The following LIMK1 variants were observed in gnomAD, a reference collection of about 807,000 sequenced individuals.
LIMK1 encodes the protein LIM motif-containing protein kinase.
Under a neutral mutation model 77.6 loss-of-function variants are expected in LIMK1, and 21 were observed. The observed-to-expected ratio is 0.27, with a 90% CI of 0.19 to 0.39. The LOEUF (loss-of-function observed/expected upper bound fraction) is 0.39, where lower values mean the gene tolerates loss of function less well. Among genes scored for constraint, LIMK1 ranks in the 10% least tolerant of loss-of-function variants. LIMK1 has a pLI of 1.00. For missense variants in LIMK1, 696 were observed against 901.6 expected (o/e 0.77, Z 2.92); for synonymous variants, 358 against 370.0 (o/e 0.97, Z 0.37).
intron 13 of LIMK1, 108 bp from the exon 14 acceptor site, chr7:74,120,475 C>T: frequency 8.4e-7 from 1 of 1,191,942 alleles, no homozygotes. Context: ...GCCTCCTGGG[C>T]CTGGACCTCC....
chr7:74,089,275 G>A (rs1049353048), intron 2 of LIMK1, among the ~76,000 whole-genome samples: 2 of 152,082 alleles, frequency 1.3e-5, no homozygotes, highest in Non-Finnish European at 1.5e-5. Flanking sequence ...TTGGGAGGCG[G>A]AGGCAGGTGG....
intron 9 of LIMK1, 51 bp downstream of exon 9, chr7:74,108,008 C>A: frequency 7.4e-7 from 1 of 1,348,040 alleles, no homozygotes; most frequent in Non-Finnish European, 1.0e-6. Flanking sequence ...CAGGTGCTCA[C>A]CCCTGCCCCA....
chr7:74,086,383 A>G (rs980848823), intron 2 of LIMK1, among the ~76,000 whole-genome samples: 16 of 147,072 alleles, frequency 1.1e-4, no homozygotes, highest in Non-Finnish European at 2.2e-4. Flanking sequence ...TTTTTTCGAA[A>G]TGGTCTTGCT....
Position 74,105,961 on chromosome 7 carries a change from G to T in LIMK1, c.695G>T (p.Arg232Leu). Residue 232 changes from arginine (R) to leucine (L), a missense_variant, in exon 6 of 16, where the codon CGA (arginine) becomes CTA (leucine). By Grantham distance (102) the Arg-to-Leu change is moderately radical. Coordinates refer to ENST00000336180, the MANE Select transcript of LIMK1 (RefSeq NM_002314.4). ...RILEINGTPI[R>L]NVPLDEIDLL... ...TTGGAAATCAATGGCACGCCCATCCGAAATGTGCCCCTGGACGAGGTACGG... is the reference window on the plus strand; with the variant it reads ...TTGGAAATCAATGGCACGCCCATCCTAAATGTGCCCCTGGACGAGGTACGG... 6.2e-7 allele frequency: 1 copy of T among 1,614,066 alleles called. No homozygotes were observed. The highest frequency in any genetic ancestry group is 8.5e-7 in the Non-Finnish European group (1 of 1,179,982).
At chr7:74,100,910 T>C (rs915560965) in intron 5 of LIMK1, among the ~76,000 whole-genome samples, 5 of 151,534 alleles carry the variant, frequency 3.3e-5, no homozygotes, top group African/African-American at 1.2e-4. Flanking sequence ...TAATTTTTTT[T>C]TTATATTTAG....
chr7:74,116,536 G>T (rs1767369766), intron 13 of LIMK1, among the ~76,000 whole-genome samples: 2 of 152,098 alleles, frequency 1.3e-5, no homozygotes, highest in African/African-American at 4.8e-5. Flanking sequence ...AGCTCCTTCT[G>T]CAGGCTCCGG....
chr7:74,101,255 C>A (rs561516091), intron 5 of LIMK1, among the ~76,000 whole-genome samples: 6 of 152,310 alleles, frequency 3.9e-5, no homozygotes, highest in African/African-American at 1.4e-4. Flanking sequence ...TGAGGAAACT[C>A]CCAGACCAAC....
intron 3 of LIMK1, 52 bp from the exon 4 acceptor site, chr7:74,097,028 G>A: frequency 1.4e-6 from 2 of 1,394,206 alleles, no homozygotes; most frequent in Non-Finnish European, 2.0e-6. Flanking sequence ...AGGATCTGTG[G>A]GGGTTGTTGG....
At chr7:74,112,599 G>A (rs1799723727) in intron 12 of LIMK1, among the ~76,000 whole-genome samples, 1 of 152,102 alleles carries the variant, frequency 6.6e-6, no homozygotes, top group East Asian at 1.9e-4. Context: ...TGGATCACTT[G>A]AAGCCAGGAG....
At chr7:74,097,239 G>C (rs1554695812) in intron 4 of LIMK1, 50 bp downstream of exon 4, 15 of 1,243,826 alleles carry the variant, frequency 1.2e-5, no homozygotes, top group Non-Finnish European at 1.7e-5. Flanking sequence ...CTGTGTCACA[G>C]ATCTGCAAGG....
At chr7:74,095,554 C>T (rs1437904617) in intron 2 of LIMK1, among the ~76,000 whole-genome samples, 2 of 152,112 alleles carry the variant, frequency 1.3e-5, no homozygotes, top group African/African-American at 4.8e-5. Context: ...GTACAGGACC[C>T]ACTGTATCCT....
chr7:74,092,386 G>C (rs557739191), intron 2 of LIMK1, among the ~76,000 whole-genome samples: 1 of 152,270 alleles, frequency 6.6e-6, no homozygotes, highest in Non-Finnish European at 1.5e-5. Context: ...CTGTGATGGG[G>C]GCCTGCAGGC....
chr7:74,121,255 G>A lies in LIMK1; in HGVS notation c.1898G>A (p.Arg633Gln), dbSNP rs782002557. 3.1e-6 allele frequency: 5 copies of A among 1,612,670 alleles called. No homozygotes were observed. The highest frequency in any genetic ancestry group is 2.2e-5 in the East Asian group (1 of 44,874). The change falls in exon 16 of 16, where the codon CGG becomes CAG. Residue 633 changes from arginine (R) to glutamine (Q), a missense_variant. Coordinates refer to ENST00000336180, the MANE Select transcript of LIMK1 (RefSeq NM_002314.4). Reference sequence around the variant, plus strand: ...GACAGAGGTTTCTGGGAGACCTACCGGCGCGGCGAGAGCGGACTGCCTGCC... The same window carrying A: ...GACAGAGGTTTCTGGGAGACCTACCAGCGCGGCGAGAGCGGACTGCCTGCC... ...QLDRGFWETY[R>Q]RGESGLPAHP... is the part of the protein sequence containing the mutation.
Position 74,121,260 on chromosome 7 carries a change from G to T in LIMK1, c.1903G>T (p.Gly635Cys). Residue 635 changes from glycine (G) to cysteine (C), a missense_variant, in exon 16 of 16, where the codon GGC becomes TGC. Physicochemically the swap from Gly to Cys is radical, Grantham distance 159 (BLOSUM62 -3). This residue lies in a region of LIMK1 where 438 missense variants were observed against 602.3 expected (regional missense o/e 0.73). Transcript: ENST00000336180. ...AGGTTTCTGGGAGACCTACCGGCGC[G>T]GCGAGAGCGGACTGCCTGCCCACCC... The part of the protein sequence containing the change: ...DRGFWETYRR[G>C]ESGLPAHPEV... 6.2e-7 allele frequency: 1 copy of T among 1,611,742 alleles called. No homozygotes were observed. The highest frequency in any genetic ancestry group is 8.5e-7 in the Non-Finnish European group (1 of 1,179,530).
chr7:74,101,707 C>T (rs919271207), intron 5 of LIMK1, among the ~76,000 whole-genome samples: 5 of 151,828 alleles, frequency 3.3e-5, no homozygotes, highest in African/African-American at 7.3e-5. Context: ...TGTATAGCAG[C>T]GTTTTAAGGA....
At chr7:74,090,048 G>C (rs1799208026) in intron 2 of LIMK1, among the ~76,000 whole-genome samples, 1 of 152,128 alleles carries the variant, frequency 6.6e-6, no homozygotes, top group Admixed American at 6.6e-5. Context: ...CAGTAAAGAG[G>C]AGGCATGTTT....
At chr7:74,103,178 C>T (rs541238455) in intron 5 of LIMK1, among the ~76,000 whole-genome samples, 1 of 152,092 alleles carries the variant, frequency 6.6e-6, no homozygotes, top group East Asian at 1.9e-4. Flanking sequence ...ATTTCCTCAG[C>T]CTTTCATTGC....
chr7:74,096,772 C>G lies in LIMK1; in HGVS notation c.291+12C>G. 2.5e-6 allele frequency: 4 copies of G among 1,579,154 alleles called. No individual in the cohort carries two copies. Among genetic ancestry groups the G allele is most frequent in the Non-Finnish European group, 3.5e-6 (4 of 1,159,174 alleles). On this transcript the variant is annotated intron_variant, in intron 3 of 15. Transcript: ENST00000336180. ...AGGGACTGGTTATGGTGAGCGCCCC[C>G]TGCCTTGCACACTCACCTGGGGTGG... is the stretch of plus-strand genomic sequence containing the variant.
chr7:74,088,845 C>T (rs1354304374), intron 2 of LIMK1, among the ~76,000 whole-genome samples: 3 of 150,666 alleles, frequency 2.0e-5, no homozygotes, highest in African/African-American at 4.9e-5. Context: ...GGCAGAAAGC[C>T]AGGGAGGGGC....
Sources: gnomAD v4.1 joint callset for allele counts (sites outside exome capture counted in the v4.1 genomes callset) on GRCh38, gnomAD v4.1.1 for gene constraint, gnomAD v4.1.1 regional missense constraint, MANE v1.5 for transcripts, NCBI Gene and HGNC (gene_info 2026-07-23, HGNC 2026-07-21) for gene names.